ZCWPW2: variants seen among roughly 807,000 people sequenced by gnomAD.
The protein encoded by ZCWPW2 is zinc finger CW-type PWWP domain protein 2.
A neutral mutation model predicts 46.6 loss-of-function variants in ZCWPW2; 45 were observed. That is an observed-to-expected ratio of 0.96 (90% confidence interval 0.76 to 1.24). ZCWPW2 has a LOEUF of 1.24. ZCWPW2 is among the 50% of genes most tolerant of loss of function. The pLI is 0.00. For synonymous variants in ZCWPW2, 152 were observed against 137.1 expected, an observed-to-expected ratio of 1.11 and a Z score of -0.76; for missense variants, 429 against 403.9, an observed-to-expected ratio of 1.06 and a Z score of -0.53.
At chr3:28,386,486 T>A (rs1695278048) in intron 1 of ZCWPW2, among the ~76,000 whole-genome samples, 1 of 152,164 alleles carries the variant, frequency 6.6e-6, no homozygotes, top group South Asian at 2.1e-4. Flanking sequence ...TTTCCTTGCT[T>A]TTTAGTTTAT....
chr3:28,419,929 TG>T (rs1432386641), intron 3 of ZCWPW2, among the ~76,000 whole-genome samples: 5 of 94,260 alleles, frequency 5.3e-5, no homozygotes, highest in South Asian at 5.1e-4. Context: ...TGTTGTGGGG[TG>T]GGGGGAGGGG....
intron 5 of ZCWPW2, among the ~76,000 whole-genome samples, chr3:28,488,028 T>C (rs1339296081): frequency 1.3e-5 from 2 of 152,106 alleles, no homozygotes; most frequent in East Asian, 3.9e-4. Flanking sequence ...TTCAAAATGG[T>C]TACTTTTCTC....
intron 3 of ZCWPW2, among the ~76,000 whole-genome samples, chr3:28,421,834 T>TTGTGTGAG (rs1553634932): frequency 7.5e-6 from 1 of 133,838 alleles, no homozygotes; most frequent in African/African-American, 2.8e-5. Context: ...GGAGAATAGT[T>TTGTGTGAG]TGTGTGTGTG....
In ZCWPW2 at chr3:28,390,470, T is replaced by A. The variant is rs1232569424; in HGVS notation, c.-133-28T>A. 1.4e-5 allele frequency: 14 copies of A among 984,882 alleles called. 1 individual carries two copies. Among genetic ancestry groups the A allele is most frequent in the Non-Finnish European group, 1.7e-5 (14 of 829,448 alleles). The allele number at this position is 984,882 out of a possible 1,614,324, so 61.0% of individuals were successfully genotyped here. On this transcript the variant is annotated intron_variant, in intron 1 of 9. Coordinates refer to ENST00000383768, the MANE Select transcript of ZCWPW2 (RefSeq NM_001040432.4). ...ATGTGGGTATTATATAGTTTTAAAT[T>A]TGCTAGATTGATGTATAACTTCTTC...
rs1414782570 is a variant in ZCWPW2, at chr3:28,348,780, C to T, written c.-557C>T. ...CTCCGGGCACGTCGCGGAGGGAGTC[C>T]CATTTCTTCTGACTCGGCAGGAGCC... On this transcript the variant is annotated 5_prime_UTR_variant, in exon 1 of 10. Transcript: ENST00000383768. 5.1e-6 allele frequency: 1 copy of T among 194,350 alleles called. No homozygotes were observed. The highest frequency in any genetic ancestry group is 2.4e-5 in the African/African-American group (1 of 42,168). The allele number at this position is 194,350 out of a possible 1,614,324, so 12.0% of individuals were successfully genotyped here.
At chr3:28,394,011 A>T (rs1157680851) in intron 2 of ZCWPW2, among the ~76,000 whole-genome samples, 2 of 152,180 alleles carry the variant, frequency 1.3e-5, no homozygotes, top group Non-Finnish European at 2.9e-5. Flanking sequence ...TCCAGAGGAC[A>T]TGACATTATG....
chr3:28,508,952 A>T (rs1247924698), intron 6 of ZCWPW2, among the ~76,000 whole-genome samples: 1 of 152,138 alleles, frequency 6.6e-6, no homozygotes, highest in East Asian at 1.9e-4. Context: ...TGCAACCAAC[A>T]TCACTAGCTA....
At chr3:28,374,419 G>A (rs761094646) in intron 1 of ZCWPW2, among the ~76,000 whole-genome samples, 9 of 152,042 alleles carry the variant, frequency 5.9e-5, no homozygotes, top group East Asian at 3.9e-4. Context: ...GTAATGTGAC[G>A]CTGCCAATTT....
intron 4 of ZCWPW2, among the ~76,000 whole-genome samples, chr3:28,452,099 A>G (rs1698245027): frequency 6.6e-6 from 1 of 152,200 alleles, no homozygotes; most frequent in African/African-American, 2.4e-5. Context: ...CTTCCAAGAA[A>G]AACTTTGGTA....
intron 4 of ZCWPW2, among the ~76,000 whole-genome samples, chr3:28,467,825 T>C (rs1698883415): frequency 6.6e-6 from 1 of 152,160 alleles, no homozygotes; most frequent in Non-Finnish European, 1.5e-5. Flanking sequence ...CTCTTTTAAA[T>C]ACCTGGAAAG....
chr3:28,436,768 C>T (rs2125765533), intron 4 of ZCWPW2, among the ~76,000 whole-genome samples: 1 of 152,294 alleles, frequency 6.6e-6, no homozygotes, highest in South Asian at 2.1e-4. Context: ...GGCATCTTCT[C>T]TGCTCTGACG....
chr3:28,409,929 A>G (rs1481760645), intron 2 of ZCWPW2, among the ~76,000 whole-genome samples: 3 of 152,086 alleles, frequency 2.0e-5, no homozygotes, highest in African/African-American at 7.2e-5. Context: ...AATCCCAACT[A>G]TATATTGTTT....
intron 2 of ZCWPW2, 97 bp downstream of exon 2, chr3:28,390,714 T>TA (rs1355354809): frequency 3.3e-6 from 3 of 912,056 alleles, no homozygotes; most frequent in African/African-American, 3.6e-5. Context: ...TTTTAAAATG[T>TA]AAAAAAATTC....
chr3:28,374,418 C>T (rs774186630), intron 1 of ZCWPW2, among the ~76,000 whole-genome samples: 24 of 152,044 alleles, frequency 1.6e-4, no homozygotes, highest in Non-Finnish European at 2.6e-4. Flanking sequence ...GGTAATGTGA[C>T]GCTGCCAATT....
At chr3:28,387,361 T>C (rs1161197647) in intron 1 of ZCWPW2, among the ~76,000 whole-genome samples, 1 of 152,178 alleles carries the variant, frequency 6.6e-6, no homozygotes, top group Non-Finnish European at 1.5e-5. Flanking sequence ...AAAAATTATA[T>C]ATTTTAGAAG....
At chr3:28,511,143 T>C (rs1700415821) in intron 6 of ZCWPW2, 1 of 438,580 alleles carries the variant, frequency 2.3e-6, no homozygotes, top group African/African-American at 2.0e-5. Flanking sequence ...TGTATGACAA[T>C]CTGGAAGATG....
chr3:28,470,527 A>G (rs1368489027), intron 4 of ZCWPW2, among the ~76,000 whole-genome samples: 3 of 151,838 alleles, frequency 2.0e-5, no homozygotes, highest in Admixed American at 6.6e-5. Context: ...GGAAATTTAA[A>G]AATTCATTGA....
intron 4 of ZCWPW2, among the ~76,000 whole-genome samples, chr3:28,476,439 TAAAAC>T (rs1699241110): frequency 6.6e-6 from 1 of 152,184 alleles, no homozygotes; most frequent in Non-Finnish European, 1.5e-5. Flanking sequence ...ACACAAGTGT[TAAAAC>T]AAACCTTTTC....
intron 2 of ZCWPW2, among the ~76,000 whole-genome samples, chr3:28,405,826 C>T (rs1696134989): frequency 6.6e-6 from 1 of 152,038 alleles, no homozygotes; most frequent in South Asian, 2.1e-4. Flanking sequence ...AAGAGGAGTG[C>T]AATAGAGAAT....
Sources: allele counts gnomAD v4.1 joint callset (sites outside exome capture counted in the v4.1 genomes callset), GRCh38; gene constraint gnomAD v4.1.1; transcripts MANE v1.5; gene names NCBI Gene and HGNC (gene_info 2026-07-23, HGNC 2026-07-21).